CDC123: variants seen among roughly 807,000 people sequenced by gnomAD.
The protein encoded by CDC123 is cell division cycle 123, also known as translation initiation factor eIF2 assembly protein.
Under a neutral mutation model 54.4 loss-of-function variants are expected in CDC123, and 37 were observed. That is an observed-to-expected ratio of 0.68 (90% confidence interval 0.52 to 0.89). CDC123 has a LOEUF of 0.89. Ranked by LOEUF, CDC123 falls within the 40% of genes least tolerant of loss-of-function variation. The probability of loss-of-function intolerance (pLI) is 0.00; values close to 1 mark genes in which losing one functional copy is unlikely to be tolerated. For missense variants in CDC123, 361 were observed against 412.1 expected, an observed-to-expected ratio of 0.88 and a Z score of 1.07; for synonymous variants, 144 against 136.8, an observed-to-expected ratio of 1.05 and a Z score of -0.37.
intron 1 of CDC123, among the ~76,000 whole-genome samples, chr10:12,197,538 G>A (rs1313650470): frequency 1.3e-5 from 2 of 151,702 alleles, no homozygotes; most frequent in East Asian, 1.9e-4. Flanking sequence ...CACCACCCCC[G>A]GCTAATTTTT....
At chr10:12,250,259 A>G (rs970493924) in intron 12 of CDC123, 52 bp from the exon 13 acceptor site, 3 of 1,184,366 alleles carry the variant, frequency 2.5e-6, no homozygotes, top group Non-Finnish European at 1.2e-6. Context: ...TGCTGAGCAG[A>G]TATCCCAAGG....
intron 6 of CDC123, 92 bp from the exon 7 acceptor site, chr10:12,230,856 A>C (rs1261810446): frequency 3.0e-5 from 36 of 1,198,624 alleles, no homozygotes; most frequent in Non-Finnish European, 4.0e-5. Context: ...TTTTAGTAAA[A>C]CGTTACTCTC....
At chr10:12,200,708 G>A (rs933477680) in intron 2 of CDC123, among the ~76,000 whole-genome samples, 9 of 151,856 alleles carry the variant, frequency 5.9e-5, no homozygotes, top group Non-Finnish European at 1.3e-4. Flanking sequence ...CGAGTTGGGT[G>A]GATCACCTGA....
chr10:12,222,408 A>G (rs1835749238), intron 6 of CDC123, among the ~76,000 whole-genome samples: 1 of 152,246 alleles, frequency 6.6e-6, no homozygotes, highest in South Asian at 2.1e-4. Flanking sequence ...TCACGAGGTC[A>G]GGAGTTCGAG....
intron 8 of CDC123, among the ~76,000 whole-genome samples, chr10:12,235,786 G>C (rs1374127876): frequency 6.6e-6 from 1 of 152,226 alleles, no homozygotes; most frequent in East Asian, 1.9e-4. Context: ...CTGAAAGAAA[G>C]TTGGGGTGTT....
At chr10:12,208,117 T>C (rs1835545303) in intron 2 of CDC123, among the ~76,000 whole-genome samples, 1 of 152,220 alleles carries the variant, frequency 6.6e-6, no homozygotes, top group Non-Finnish European at 1.5e-5. Context: ...TTAGTAGAGT[T>C]TCCAGAGGGA....
chr10:12,211,658 C>G (rs1285557042), intron 4 of CDC123, among the ~76,000 whole-genome samples: 1 of 152,080 alleles, frequency 6.6e-6, no homozygotes, highest in Non-Finnish European at 1.5e-5. Flanking sequence ...GGTTTGTAAA[C>G]CAGTGGGAAA....
intron 6 of CDC123, among the ~76,000 whole-genome samples, chr10:12,226,387 T>C (rs1835814926): frequency 6.7e-6 from 1 of 149,498 alleles, no homozygotes; most frequent in South Asian, 2.1e-4. Context: ...ATGGGGCGGC[T>C]GGCCGGGTGG....
chr10:12,199,003 ATC>A (rs964374696), intron 2 of CDC123: 3 of 379,958 alleles, frequency 7.9e-6, no homozygotes, highest in African/African-American at 2.1e-5. Flanking sequence ...AGTTCCTTTC[ATC>A]TCTGTCTTTA....
intron 7 of CDC123, among the ~76,000 whole-genome samples, chr10:12,232,170 T>A (rs965568923): frequency 3.3e-5 from 5 of 152,034 alleles, no homozygotes; most frequent in African/African-American, 9.7e-5. Flanking sequence ...AGACTCCACG[T>A]TTCAACTCCG....
At chr10:12,238,914 C>T (rs375525941) in intron 10 of CDC123, among the ~76,000 whole-genome samples, 1 of 151,804 alleles carries the variant, frequency 6.6e-6, no homozygotes, top group Admixed American at 6.6e-5. Context: ...CCCAGCTACT[C>T]AGGAGGCAGA....
chr10:12,240,728 G>A (rs1836045624), intron 10 of CDC123, among the ~76,000 whole-genome samples: 1 of 151,248 alleles, frequency 6.6e-6, no homozygotes, highest in African/African-American at 2.4e-5. Flanking sequence ...AATTAGCCAG[G>A]TGTGGTGGTT....
At chr10:12,224,010 C>T (rs1448000181) in intron 6 of CDC123, among the ~76,000 whole-genome samples, 4 of 152,102 alleles carry the variant, frequency 2.6e-5, no homozygotes. Flanking sequence ...TTATCCCTCG[C>T]CAACCCTCAC....
chr10:12,199,208 T>C (rs960179879), intron 2 of CDC123, among the ~76,000 whole-genome samples: 1 of 152,214 alleles, frequency 6.6e-6, no homozygotes, highest in African/African-American at 2.4e-5. Flanking sequence ...TTCTAGAAGC[T>C]GTTCAGGTAG....
intron 2 of CDC123, among the ~76,000 whole-genome samples, chr10:12,202,179 C>T (rs1448374382): frequency 2.6e-5 from 4 of 152,078 alleles, no homozygotes; most frequent in South Asian, 2.1e-4. Context: ...TACAACTTGG[C>T]GAATGTTGCT....
At chr10:12,207,417 C>T (rs1222276669) in intron 2 of CDC123, among the ~76,000 whole-genome samples, 2 of 151,890 alleles carry the variant, frequency 1.3e-5, no homozygotes, top group Non-Finnish European at 2.9e-5. Context: ...TCATCTGGTC[C>T]CTTTATTGTC....
chr10:12,226,713 A>T (rs1398329287), intron 6 of CDC123, among the ~76,000 whole-genome samples: 1 of 145,580 alleles, frequency 6.9e-6, no homozygotes, highest in African/African-American at 2.6e-5. Context: ...CTGGGCAGAG[A>T]CGCTCCCCAT....
intron 6 of CDC123, among the ~76,000 whole-genome samples, chr10:12,219,857 T>G (rs1037753709): frequency 2.6e-5 from 4 of 152,132 alleles, no homozygotes; most frequent in African/African-American, 9.7e-5. Flanking sequence ...AGCTAATTTT[T>G]TTTTGTATTT....
intron 2 of CDC123, among the ~76,000 whole-genome samples, chr10:12,209,697 T>A (rs890040449): frequency 6.6e-6 from 1 of 152,182 alleles, no homozygotes; most frequent in Admixed American, 6.6e-5. Flanking sequence ...CCCAAATAGC[T>A]GGGACTACAG....
Sources: allele counts gnomAD v4.1 joint callset (sites outside exome capture counted in the v4.1 genomes callset), GRCh38; gene constraint gnomAD v4.1.1; transcripts MANE v1.5; gene names NCBI Gene and HGNC (gene_info 2026-07-23, HGNC 2026-07-21).